The following VRTN variants were observed in gnomAD, a reference collection of about 807,000 sequenced individuals.
VRTN encodes the protein vertebrae development associated.
VRTN carries 5 observed loss-of-function variants against 18.2 expected under a neutral mutation model. The ratio of observed to expected loss-of-function variants is 0.27; its 90% CI spans 0.14 to 0.58. VRTN has a LOEUF of 0.58. VRTN is among the 20% of genes least tolerant of loss of function. VRTN has a pLI of 0.91. For synonymous variants in VRTN, 381 were observed against 393.7 expected (o/e 0.97, Z 0.38); for missense variants, 741 against 939.4 (o/e 0.79, Z 2.76).
chr14:74,345,351 T>A (rs2085636842), upstream of VRTN, among the ~76,000 whole-genome samples: 1 of 141,372 alleles, frequency 7.1e-6, no homozygotes, highest in South Asian at 2.4e-4. Context: ...TGCCTATTTT[T>A]TTTTTTTTTT....
chr14:74,312,115 G>A (rs937387750), intron 1 of VRTN, among the ~76,000 whole-genome samples: 1 of 152,188 alleles, frequency 6.6e-6, no homozygotes. Context: ...TGTTAAGTTT[G>A]TGACAAACCC....
chr14:74,316,804 T>A (rs2085421707), intron 1 of VRTN, among the ~76,000 whole-genome samples: 1 of 151,474 alleles, frequency 6.6e-6, no homozygotes, highest in Non-Finnish European at 1.5e-5. Context: ...GCCCGGCTAA[T>A]TTTTTTGTAT....
exon 1 of VRTN, chr14:74,303,130 A>C (rs959793014): frequency 1.1e-5 from 5 of 449,594 alleles, no homozygotes; most frequent in Admixed American, 4.3e-5. Flanking sequence ...ATTTTCTGGG[A>C]GACTTCCCTT....
intron 1 of VRTN, among the ~76,000 whole-genome samples, chr14:74,306,214 A>G (rs1209089040): frequency 7.7e-6 from 1 of 130,028 alleles, no homozygotes; most frequent in African/African-American, 3.0e-5. Flanking sequence ...TCTGTTGCCC[A>G]TGCTGGAGTG....
intron 1 of VRTN, among the ~76,000 whole-genome samples, chr14:74,336,765 C>G (rs1317715986): frequency 3.3e-5 from 5 of 152,078 alleles, no homozygotes; most frequent in Non-Finnish European, 7.4e-5. Context: ...AAGAGCGAAA[C>G]TCCATCTCAA....
chr14:74,323,238 CA>C (rs1467392296), intron 1 of VRTN, among the ~76,000 whole-genome samples: 2 of 151,666 alleles, frequency 1.3e-5, no homozygotes, highest in Admixed American at 6.6e-5. Context: ...ATTCAAAGTT[CA>C]AAAAAAATCT....
At chr14:74,353,159 T>C (rs149947423) in intron 1 of VRTN, among the ~76,000 whole-genome samples, 1 of 152,200 alleles carries the variant, frequency 6.6e-6, no homozygotes, top group African/African-American at 2.4e-5. Flanking sequence ...CGTGGTGGCA[T>C]GTGCCTACAG....
chr14:74,358,553 A>C lies in VRTN; in HGVS notation c.1770A>C (p.Pro590=). ...AGRDVTAVMA[P]PVGASSEDVE... ...GGGATGTGACAGCTGTGATGGCCCCACCTGTGGGGGCTTCTTCAGAAGATG... is the reference window on the plus strand; with the variant it reads ...GGGATGTGACAGCTGTGATGGCCCCCCCTGTGGGGGCTTCTTCAGAAGATG... The change falls in exon 2 of 2, where the codon CCA becomes CCC. Residue 590 remains proline, a synonymous_variant. Transcript: ENST00000256362. The surrounding 1 kb of genome is among the most constrained non-coding windows in gnomAD (Gnocchi z 5.4). The C allele has an allele frequency of 6.2e-7, 1 of 1,610,078 alleles. No individual in the cohort carries two copies. Among genetic ancestry groups the C allele is most frequent in the Non-Finnish European group, 8.5e-7 (1 of 1,177,862 alleles).
At position 74,340,273 on chromosome 14, in the gene VRTN, C is replaced by T. The variant is rs555095226; in HGVS notation, c.-2+2389C>T. On this transcript the variant is annotated intron_variant, in intron 2 of 2. Coordinates refer to the VRTN transcript ENST00000557177. ...GATTATAGGCATGTGCCACCACGCCCGGCTAATTTTGTATTTTTAGTAGAG... is the reference window on the plus strand; with the variant it reads ...GATTATAGGCATGTGCCACCACGCCTGGCTAATTTTGTATTTTTAGTAGAG... Among the ~76,000 whole-genome samples the T allele has an allele frequency of 2.8e-4, 42 of 152,248 alleles. 1 individual carries two copies. In the South Asian group the frequency reaches 4.1e-3, roughly 15 times the overall value.
intron 1 of VRTN, among the ~76,000 whole-genome samples, chr14:74,320,551 T>C (rs376668098): frequency 1.8e-4 from 23 of 130,590 alleles, no homozygotes; most frequent in African/African-American, 3.7e-4. Flanking sequence ...CTTGAGCCAC[T>C]GCGCCCGGCC....
Position 74,323,070 on chromosome 14 carries a change from T to C in VRTN, c.-163-14653T>C, listed in dbSNP as rs1374466776. ...ATCACTTGAACCCAGGAGGTGGAGG[T>C]TGAAGTGAGCAGAGATCATGCCACT... is the stretch of plus-strand genomic sequence containing the variant. On this transcript the variant is annotated intron_variant, in intron 1 of 2. Transcript: ENST00000557177. Among the ~76,000 whole-genome samples the C allele has an allele frequency of 2.7e-5, 4 of 149,144 alleles. 1 individual carries two copies. Among genetic ancestry groups the C allele is most frequent in the South Asian group, 4.3e-4 (2 of 4,660 alleles).
chr14:74,349,502 G>T lies in VRTN; in HGVS notation c.-2+850G>T, dbSNP rs1025468174. Among the ~76,000 whole-genome samples, 3 of 152,232 alleles carry T rather than the reference G, an allele frequency of 2.0e-5. No individual in the cohort carries two copies. The East Asian group carries it at 5.8e-4, about 29-fold the overall frequency. On this transcript the variant is annotated intron_variant, in intron 1 of 1. Coordinates refer to ENST00000256362, the MANE Select transcript of VRTN (RefSeq NM_018228.3). ...GCAGGTTGACTATAGAGAACACAGCGCCTGCTTTGGGAGGGAGAGGAAGAA... is the reference window on the plus strand; with the variant it reads ...GCAGGTTGACTATAGAGAACACAGCTCCTGCTTTGGGAGGGAGAGGAAGAA...
intron 1 of VRTN, among the ~76,000 whole-genome samples, chr14:74,334,064 G>T (rs888122976): frequency 6.6e-6 from 1 of 152,138 alleles, no homozygotes; most frequent in African/African-American, 2.4e-5. Flanking sequence ...CACACAAGTA[G>T]TAAGTGGCTC....
chr14:74,350,921 G>T lies in VRTN; in HGVS notation c.-2+2269G>T, dbSNP rs17182966. Among the ~76,000 whole-genome samples the T allele has an allele frequency of 2.8e-3, 420 of 152,328 alleles. 3 individuals carry two copies. Among genetic ancestry groups the T allele is most frequent in the Admixed American group, 8.1e-3 (124 of 15,308 alleles). On this transcript the variant is annotated intron_variant, in intron 1 of 1. Coordinates refer to ENST00000256362, the MANE Select transcript of VRTN (RefSeq NM_018228.3). Reference sequence around the variant, plus strand: ...GCTCTCCTCAGGAAATCGGCTAATTGCGTGTAAGGGTATAAAAATATCCAC... The same window carrying T: ...GCTCTCCTCAGGAAATCGGCTAATTTCGTGTAAGGGTATAAAAATATCCAC...
At chr14:74,344,905 C>G (rs2085634023), upstream of VRTN, among the ~76,000 whole-genome samples, 1 of 151,972 alleles carries the variant, frequency 6.6e-6, no homozygotes, top group Non-Finnish European at 1.5e-5. Flanking sequence ...AAAGCTCTGT[C>G]TCTGATACTT....
intron 1 of VRTN, among the ~76,000 whole-genome samples, chr14:74,352,770 A>T (rs2085695031): frequency 6.6e-6 from 1 of 152,238 alleles, no homozygotes; most frequent in South Asian, 2.1e-4. Flanking sequence ...TTTAAACCTA[A>T]GGGTCATCTA....
Position 74,305,237 on chromosome 14 carries a change from C to T in VRTN, c.-164+2061C>T, listed in dbSNP as rs542731273. 4.0e-5 allele frequency among the ~76,000 whole-genome samples: 6 copies of T among 150,628 alleles called. No individual in the cohort carries two copies. The South Asian group carries it at 1.3e-3, about 31-fold the overall frequency. On this transcript the variant is annotated intron_variant, in intron 1 of 2. Transcript: ENST00000557177. Reference sequence around the variant, plus strand: ...ATCCCAGCTACTTGGGAGGCTGAGGCAGGAGAATTACTTGAACCCAGGAGG... The same window carrying T: ...ATCCCAGCTACTTGGGAGGCTGAGGTAGGAGAATTACTTGAACCCAGGAGG...
chr14:74,317,820 C>CA (rs962525295), intron 1 of VRTN, among the ~76,000 whole-genome samples: 7 of 150,916 alleles, frequency 4.6e-5, no homozygotes, highest in Admixed American at 6.6e-5. Flanking sequence ...AACAAAAAAA[C>CA]AAAAAAAACA....
chr14:74,323,106 T>C (rs965530468), intron 1 of VRTN, among the ~76,000 whole-genome samples: 2 of 151,152 alleles, frequency 1.3e-5, no homozygotes, highest in Admixed American at 6.6e-5. Flanking sequence ...GCACTCCAGC[T>C]TGGGTGACAA....
Sources: allele counts gnomAD v4.1 joint callset (sites outside exome capture counted in the v4.1 genomes callset), GRCh38; gene constraint gnomAD v4.1.1; non-coding constraint Gnocchi (gnomAD v3.1); transcripts MANE v1.5; gene names NCBI Gene and HGNC (gene_info 2026-07-23, HGNC 2026-07-21).